Variants in PRKCB observed in about 807,000 individuals in gnomAD.
PRKCB encodes the protein protein kinase C beta type.
In PRKCB, 13 loss-of-function variants were observed where a neutral mutation model predicts 81.5. That is an observed-to-expected ratio of 0.16 (90% confidence interval 0.10 to 0.25). The LOEUF (loss-of-function observed/expected upper bound fraction) is 0.25, where lower values mean the gene tolerates loss of function less well. Among genes scored for constraint, PRKCB ranks in the 10% least tolerant of loss-of-function variants. The pLI is 1.00. For synonymous variants in PRKCB, 335 were observed against 321.4 expected, an observed-to-expected ratio of 1.04 and a Z score of -0.45; for missense variants, 509 against 875.7, an observed-to-expected ratio of 0.58 and a Z score of 5.29.
intron 5 of PRKCB, among the ~76,000 whole-genome samples, chr16:24,090,200 GA>G (rs1434927750): frequency 2.6e-5 from 4 of 152,184 alleles, no homozygotes; most frequent in African/African-American, 9.6e-5. Flanking sequence ...GTGTAAAAAT[GA>G]GATGCAGCTT....
intron 2 of PRKCB, among the ~76,000 whole-genome samples, chr16:23,978,926 C>T (rs1403906793): frequency 6.6e-6 from 1 of 152,214 alleles, no homozygotes; most frequent in Non-Finnish European, 1.5e-5. Flanking sequence ...GTAGCTACCA[C>T]ACTGGGCGCT....
intron 13 of PRKCB, among the ~76,000 whole-genome samples, chr16:24,182,395 C>T (rs572650097): frequency 6.6e-6 from 1 of 152,162 alleles, no homozygotes; most frequent in African/African-American, 2.4e-5. Flanking sequence ...CTAGGTCACC[C>T]CTGCTGTCCT....
intron 2 of PRKCB, among the ~76,000 whole-genome samples, chr16:23,858,862 G>A (rs1962616932): frequency 6.6e-6 from 1 of 152,076 alleles, no homozygotes; most frequent in Admixed American, 6.5e-5. Flanking sequence ...AATGTCCACA[G>A]CACCCTAGGA....
chr16:23,978,762 GGT>G (rs1329308501), intron 2 of PRKCB, among the ~76,000 whole-genome samples: 2 of 152,158 alleles, frequency 1.3e-5, no homozygotes, highest in Non-Finnish European at 2.9e-5. Flanking sequence ...GACTTTCTAT[GGT>G]GCTGGAAATT....
intron 2 of PRKCB, among the ~76,000 whole-genome samples, chr16:23,913,677 G>A (rs913709531): frequency 6.6e-6 from 1 of 152,238 alleles, no homozygotes; most frequent in Non-Finnish European, 1.5e-5. Context: ...TGAAGCTGTG[G>A]CTCTGCTCCA....
At chr16:24,096,703 A>C (rs1265026139) in intron 7 of PRKCB, among the ~76,000 whole-genome samples, 13 of 134,132 alleles carry the variant, frequency 9.7e-5, no homozygotes, top group Admixed American at 9.1e-4. Flanking sequence ...ATATATATAT[A>C]TATCCTCCAA....
chr16:23,939,353 CA>C (rs1436555491), intron 2 of PRKCB, among the ~76,000 whole-genome samples: 4 of 152,096 alleles, frequency 2.6e-5, no homozygotes, highest in African/African-American at 9.7e-5. Context: ...AAAATCCCAA[CA>C]AAATTACTTT....
At chr16:24,007,364 T>A (rs961040050) in intron 3 of PRKCB, among the ~76,000 whole-genome samples, 1 of 152,252 alleles carries the variant, frequency 6.6e-6, no homozygotes, top group African/African-American at 2.4e-5. Flanking sequence ...TATCTTGCTT[T>A]CTGCAAAATG....
chr16:23,946,774 T>A (rs1249480363), intron 2 of PRKCB, among the ~76,000 whole-genome samples: 1 of 152,078 alleles, frequency 6.6e-6, no homozygotes, highest in Non-Finnish European at 1.5e-5. Context: ...GGGCCTGGAA[T>A]CCTACATTTC....
intron 2 of PRKCB, among the ~76,000 whole-genome samples, chr16:23,865,265 TTGTG>T (rs57426992): frequency 0.6 from 77,854 of 129,004 alleles, 22,079 homozygotes; most frequent in Admixed American, 0.65. Flanking sequence ...TCTGTTTTGT[TTGTG>T]TGTGTGTGTG....
intron 2 of PRKCB, among the ~76,000 whole-genome samples, chr16:23,949,021 A>G (rs1026395569): frequency 2.6e-5 from 4 of 152,140 alleles, no homozygotes; most frequent in Non-Finnish European, 4.4e-5. Context: ...TTTTTCGAGG[A>G]GTGGTAATCA....
chr16:24,168,746 G>T (rs1967392457), intron 10 of PRKCB, among the ~76,000 whole-genome samples: 1 of 141,850 alleles, frequency 7.0e-6, no homozygotes, highest in Non-Finnish European at 1.5e-5. Flanking sequence ...TTTGGTAGAG[G>T]CAGAGTCTTG....
intron 2 of PRKCB, among the ~76,000 whole-genome samples, chr16:23,867,653 A>G (rs900705922): frequency 4.6e-5 from 7 of 152,018 alleles, no homozygotes; most frequent in African/African-American, 1.7e-4. Flanking sequence ...GGAATGACAG[A>G]CTCCCTTATT....
In PRKCB at chr16:23,885,301, CT is replaced by C. The variant is rs1963181974; in HGVS notation, c.205+47902del. 2.0e-5 allele frequency among the ~76,000 whole-genome samples: 3 copies of C among 152,090 alleles called. No homozygotes were observed. In the South Asian group the frequency reaches 6.2e-4, roughly 32 times the overall value. On this transcript the variant is annotated intron_variant, in intron 2 of 16. Transcript: ENST00000643927. ...TGGCTTTTTACCACTATCCACAGCTCTTTTTTTCTTTTTCTTTTCTTTTTTG... is the reference window on the plus strand; with the variant it reads ...TGGCTTTTTACCACTATCCACAGCTCTTTTTTCTTTTTCTTTTCTTTTTTG...
At chr16:23,994,796 C>T (rs1430143205) in intron 3 of PRKCB, among the ~76,000 whole-genome samples, 1 of 152,226 alleles carries the variant, frequency 6.6e-6, no homozygotes, top group East Asian at 1.9e-4. Flanking sequence ...CCCACCAGAG[C>T]AGTTTTATTG....
At chr16:24,201,425 T>C (rs937098895) in intron 16 of PRKCB, among the ~76,000 whole-genome samples, 1 of 152,226 alleles carries the variant, frequency 6.6e-6, no homozygotes, top group African/African-American at 2.4e-5. Context: ...GAAGGCTTTC[T>C]TGGGCACATA....
chr16:24,005,663 A>G (rs1250853642), intron 3 of PRKCB, among the ~76,000 whole-genome samples: 1 of 152,178 alleles, frequency 6.6e-6, no homozygotes, highest in Non-Finnish European at 1.5e-5. Context: ...CTTGACTTCA[A>G]TTCATTTTTG....
At chr16:24,196,424 A>G (rs1967880456) in intron 16 of PRKCB, among the ~76,000 whole-genome samples, 1 of 152,222 alleles carries the variant, frequency 6.6e-6, no homozygotes, top group Admixed American at 6.5e-5. Context: ...GCAAACTGTC[A>G]TGGCATCGTG....
intron 3 of PRKCB, among the ~76,000 whole-genome samples, chr16:24,018,594 A>T (rs749261399): frequency 1.3e-5 from 2 of 152,266 alleles, no homozygotes; most frequent in Non-Finnish European, 2.9e-5. Context: ...ACTGCAGTGC[A>T]GATCTTAACC....
Sources: gnomAD v4.1 joint callset for allele counts (sites outside exome capture counted in the v4.1 genomes callset) on GRCh38, gnomAD v4.1.1 for gene constraint, MANE v1.5 for transcripts, NCBI Gene and HGNC (gene_info 2026-07-23, HGNC 2026-07-21) for gene names.